The following DMD variants were observed in gnomAD, a reference collection of about 807,000 sequenced individuals.
The protein encoded by DMD is mutant dystrophin.
DMD carries 63 observed loss-of-function variants against 330.1 expected under a neutral mutation model. The observed-to-expected ratio is 0.19, with a 90% CI of 0.16 to 0.24. The LOEUF is 0.24. Ranked by LOEUF, DMD falls within the 10% of genes least tolerant of loss-of-function variation. DMD has a pLI of 1.00. For missense variants in DMD, 3,344 were observed against 2,684.1 expected, an observed-to-expected ratio of 1.25 and a Z score of -5.43; for synonymous variants, 1,223 against 959.8, an observed-to-expected ratio of 1.27 and a Z score of -5.07.
At chrX:32,592,901 A>C (rs780751228) in intron 13 of DMD, among the ~76,000 whole-genome samples, 21 of 112,769 alleles carry the variant, frequency 1.9e-4, no homozygotes, top group African/African-American at 6.1e-4. Context: ...CTTGTGGTAC[A>C]TCTGGTCCAG....
chrX:32,685,478 A>G (rs865781649), intron 9 of DMD, among the ~76,000 whole-genome samples: 17 of 111,836 alleles, frequency 1.5e-4, no homozygotes, highest in African/African-American at 5.2e-4. Flanking sequence ...TCCTTGGGAC[A>G]TGTTATAATG....
In DMD at chrX:32,977,063, G is replaced by A. The variant is rs185321642; in HGVS notation, c.93+43076C>T. On this transcript the variant is annotated intron_variant, in intron 2 of 78. Transcript: ENST00000357033. Reference sequence around the variant, plus strand: ...CCCAACACATTGGGAGTCCAAGGTGGGGCGGATCGCTTGAGGTCAGGAGTT... The same window carrying A: ...CCCAACACATTGGGAGTCCAAGGTGAGGCGGATCGCTTGAGGTCAGGAGTT... Among the ~76,000 whole-genome samples, 7 of 111,468 alleles carry A rather than the reference G, an allele frequency of 6.3e-5. No homozygotes were observed. In the East Asian group the frequency reaches 1.7e-3, roughly 27 times the overall value.
chrX:31,192,337 G>GT (rs1304773308), intron 67 of DMD, among the ~76,000 whole-genome samples: 1 of 112,222 alleles, frequency 8.9e-6, no homozygotes, highest in East Asian at 2.8e-4. Context: ...AGATACTTGG[G>GT]TTTTACCTTT....
intron 52 of DMD, among the ~76,000 whole-genome samples, chrX:31,721,704 CTCTCTCTCTCTCTCTATATATA>C (rs1313221828): frequency 1.6e-4 from 8 of 49,848 alleles, no homozygotes; most frequent in Non-Finnish European, 1.8e-4. Flanking sequence ...CTCTCTCTCT[CTCTCTCTCTCTCTCTATATATA>C]TATATATATA....
At chrX:31,259,918 T>C (rs16989488) in intron 63 of DMD, among the ~76,000 whole-genome samples, 1,692 of 110,811 alleles carry the variant, frequency 0.015, 25 homozygotes, top group African/African-American at 0.041. Flanking sequence ...TAACCTTAAA[T>C]CCAAAGAGAT....
chrX:31,524,034 C>T (rs933206338), intron 55 of DMD, among the ~76,000 whole-genome samples: 4 of 111,688 alleles, frequency 3.6e-5, no homozygotes, highest in Non-Finnish European at 7.5e-5. Context: ...ACCTTAACCC[C>T]GCTCTGCATG....
chrX:31,370,030 C>T (rs899314726), intron 60 of DMD, among the ~76,000 whole-genome samples: 5 of 100,832 alleles, frequency 5.0e-5, no homozygotes, highest in East Asian at 6.1e-4. Flanking sequence ...ACCCGGGAGG[C>T]GGAACTTGCA....
At chrX:32,554,639 C>T (rs1411342354) in intron 16 of DMD, among the ~76,000 whole-genome samples, 2 of 108,127 alleles carry the variant, frequency 1.8e-5, no homozygotes, top group Non-Finnish European at 3.8e-5. Flanking sequence ...TCCCACCAAC[C>T]AACAAAAGCC....
At chrX:32,538,326 G>A (rs773225710) in intron 17 of DMD, among the ~76,000 whole-genome samples, 47 of 111,189 alleles carry the variant, frequency 4.2e-4, no homozygotes, top group African/African-American at 1.2e-3. Flanking sequence ...CACCTTAACC[G>A]AGCGATTAAC....
chrX:31,982,713 A>C lies in DMD; in HGVS notation c.6439-14199T>G, dbSNP rs572734542. Among the ~76,000 whole-genome samples the C allele has an allele frequency of 4.5e-5, 5 of 110,143 alleles. No individual in the cohort carries two copies. In the South Asian group the frequency reaches 1.6e-3, roughly 35 times the overall value. ...TTATTCAAGAGTGAGAGAATAGATA[A>C]AATAGTCTTTCCCAGTACTGTATAT... On this transcript the variant is annotated intron_variant, in intron 44 of 78. Coordinates refer to ENST00000357033, the MANE Select transcript of DMD (RefSeq NM_004006.3).
chrX:32,172,536 A>G (rs2096891300), intron 44 of DMD, among the ~76,000 whole-genome samples: 1 of 111,722 alleles, frequency 9.0e-6, no homozygotes, highest in South Asian at 3.8e-4. Flanking sequence ...TTCAATAGCA[A>G]CTAAATGTTT....
intron 7 of DMD, among the ~76,000 whole-genome samples, chrX:32,785,204 A>T (rs888208530): frequency 6.8e-5 from 5 of 73,887 alleles, no homozygotes; most frequent in Admixed American, 5.3e-4. Flanking sequence ...TAAAAGCATT[A>T]AAAAAAAAAA....
intron 34 of DMD, among the ~76,000 whole-genome samples, chrX:32,378,112 C>A (rs2097911129): frequency 9.1e-6 from 1 of 110,365 alleles, no homozygotes; most frequent in Non-Finnish European, 1.9e-5. Context: ...TAACATACTA[C>A]TAGTAAAGTT....
intron 1 of DMD, among the ~76,000 whole-genome samples, chrX:33,261,116 C>T (rs1473134171): frequency 9.0e-6 from 1 of 111,141 alleles, no homozygotes; most frequent in Non-Finnish European, 1.9e-5. Flanking sequence ...GTATTTTTCC[C>T]TAAACATAAT....
intron 9 of DMD, among the ~76,000 whole-genome samples, chrX:32,651,494 C>A (rs2060152583): frequency 1.8e-5 from 2 of 111,866 alleles, no homozygotes; most frequent in Admixed American, 9.5e-5. Flanking sequence ...TTAATTTCCA[C>A]AAATTCAATC....
chrX:32,294,082 T>G (rs1273109424), intron 42 of DMD, among the ~76,000 whole-genome samples: 1 of 111,797 alleles, frequency 8.9e-6, no homozygotes, highest in African/African-American at 3.3e-5. Flanking sequence ...TCTGTTAACT[T>G]GCCTGACCTG....
intron 55 of DMD, among the ~76,000 whole-genome samples, chrX:31,524,612 A>C (rs1339465034): frequency 2.7e-5 from 3 of 111,736 alleles, no homozygotes; most frequent in Non-Finnish European, 3.8e-5. Flanking sequence ...TAAATAAATA[A>C]AAGAAGATAA....
At chrX:32,378,903 C>T in intron 34 of DMD, among the ~76,000 whole-genome samples, 1 of 110,468 alleles carries the variant, frequency 9.1e-6, no homozygotes, top group African/African-American at 3.3e-5. Context: ...CACGGGGTTT[C>T]ATATATGAGA....
At chrX:31,330,582 T>C (rs1156650212) in intron 61 of DMD, among the ~76,000 whole-genome samples, 1 of 112,131 alleles carries the variant, frequency 8.9e-6, no homozygotes, top group Non-Finnish European at 1.9e-5. Context: ...TGATTGTTGG[T>C]CATCCCTCTC....
Sources: allele counts gnomAD v4.1 joint callset (sites outside exome capture counted in the v4.1 genomes callset), GRCh38; gene constraint gnomAD v4.1.1; transcripts MANE v1.5; gene names NCBI Gene and HGNC (gene_info 2026-07-23, HGNC 2026-07-21).